Variants in SLU7 observed in about 807,000 individuals in gnomAD.
SLU7 encodes spliceosome associated SLU7.
A neutral mutation model predicts 87.0 loss-of-function variants in SLU7; 60 were observed. The observed-to-expected ratio is 0.69, with a 90% confidence interval of 0.56 to 0.86. SLU7 has a LOEUF of 0.86. Ranked by LOEUF, SLU7 falls within the 40% of genes least tolerant of loss-of-function variation. The pLI is 0.00. For synonymous variants in SLU7, 197 were observed against 222.0 expected, an observed-to-expected ratio of 0.89 and a Z score of 1.00; for missense variants, 507 against 686.6, an observed-to-expected ratio of 0.74 and a Z score of 2.92.
chr5:160,415,411 T>G (rs1015083743), intron 1 of SLU7, 101 bp from the exon 2 acceptor site: 3 of 851,754 alleles, frequency 3.5e-6, no homozygotes, highest in Non-Finnish European at 5.0e-6. Flanking sequence ...TCATATGTTT[T>G]TTTTTCTCCT....
At chr5:160,408,874 T>A (rs113942153) in intron 6 of SLU7, among the ~76,000 whole-genome samples, 177 bp from the exon 7 acceptor site, 5,239 of 131,842 alleles carry the variant, frequency 0.04, 321 homozygotes, top group African/African-American at 0.14. Flanking sequence ...TTATATAATA[T>A]ATAATATGTA....
chr5:160,408,748 A>G, intron 6 of SLU7, 51 bp from the exon 7 acceptor site: 1 of 763,758 alleles, frequency 1.3e-6, no homozygotes, highest in Non-Finnish European at 2.0e-6. Context: ...CACTTAATCC[A>G]ATTAACTTTA....
chr5:160,404,863 A>C lies in SLU7; in HGVS notation c.1410T>G (p.Ile470Met), dbSNP rs967935356. 16 of 1,609,168 alleles carry C rather than the reference A, an allele frequency of 9.9e-6. No homozygotes were observed. Among genetic ancestry groups the C allele is most frequent in the Non-Finnish European group, 1.4e-5 (16 of 1,175,636 alleles). Residue 470 changes from isoleucine to methionine, a missense_variant, in exon 14 of 16, where the codon ATT (isoleucine) becomes ATG (methionine). Ile to Met is a conservative substitution (Grantham distance 10, BLOSUM62 1). Around this residue, in one of 6 missense-constraint regions of SLU7, gnomAD observed 201 missense variants for 213.4 expected, o/e 0.94. Coordinates refer to ENST00000297151, the MANE Select transcript of SLU7 (RefSeq NM_006425.5). ...ATTCTTCCCCAGTTATCTCATTTAT[A>C]ATACACTCCTCAGAGTTCTGTGGGA... ...GKEIVNSEEC[I>M]INEITGEESV...
chr5:160,411,725 G>A (rs1279348436), intron 6 of SLU7, among the ~76,000 whole-genome samples: 1 of 151,842 alleles, frequency 6.6e-6, no homozygotes, highest in Non-Finnish European at 1.5e-5. Flanking sequence ...TTGTTAAAAA[G>A]AAACTTGACA....
At chr5:160,412,364 A>G in intron 6 of SLU7, 87 bp downstream of exon 6, 1 of 811,756 alleles carries the variant, frequency 1.2e-6, no homozygotes, top group Non-Finnish European at 2.1e-6. Flanking sequence ...TCCTAACTGA[A>G]GAGCTATAAA....
chr5:160,405,062 T>C lies in SLU7; in HGVS notation c.1361A>G (p.Tyr454Cys), dbSNP rs1268984756. 2.5e-6 allele frequency: 4 copies of C among 1,613,534 alleles called. No homozygotes were observed. Among genetic ancestry groups the C allele is most frequent in the Non-Finnish European group, 3.4e-6 (4 of 1,179,516 alleles). The change falls in exon 13 of 16, where the codon TAT (tyrosine) becomes TGT (cysteine). Residue 454 changes from tyrosine to cysteine, a missense_variant. Physicochemically the swap from Tyr to Cys is radical, Grantham distance 194. Coordinates refer to ENST00000297151, the MANE Select transcript of SLU7 (RefSeq NM_006425.5). The part of the protein sequence containing the change: ...KCCHSFFKYS[Y>C]CTGEAGKEIV... ...CTCCTTCCCAGCTTCTCCAGTACAA[T>C]AGGAATACTTGAAAAAAGAGTGACA...
At chr5:160,403,908 T>G (rs934442819) in intron 15 of SLU7, among the ~76,000 whole-genome samples, 8 of 152,138 alleles carry the variant, frequency 5.3e-5, no homozygotes, top group African/African-American at 1.9e-4. Flanking sequence ...TGTCCATTAG[T>G]CATAATTACT....
At chr5:160,416,544 A>G (rs1303357686) in intron 1 of SLU7, among the ~76,000 whole-genome samples, 1 of 152,144 alleles carries the variant, frequency 6.6e-6, no homozygotes, top group Non-Finnish European at 1.5e-5. Flanking sequence ...TCTGAAATCT[A>G]ATCTCCTACT....
Position 160,403,234 on chromosome 5 carries a change from T to C in SLU7, c.*51A>G. ...CTATCTACAATCATCAATAAGAAGC[T>C]GAAAAGAATGTATCAGCTGCATCTA... is the stretch of plus-strand genomic sequence containing the variant. On this transcript the variant is annotated 3_prime_UTR_variant, in exon 16 of 16. Transcript: ENST00000297151. 7.4e-7 allele frequency: 1 copy of C among 1,345,738 alleles called. No individual in the cohort carries two copies. The highest frequency in any genetic ancestry group is 1.0e-6 in the Non-Finnish European group (1 of 993,250). The allele number at this position is 1,345,738 out of a possible 1,614,324, so 83.4% of individuals were successfully genotyped here.
intron 1 of SLU7, among the ~76,000 whole-genome samples, chr5:160,416,775 A>G (rs984129553): frequency 1.3e-5 from 2 of 152,118 alleles, no homozygotes; most frequent in Non-Finnish European, 2.9e-5. Flanking sequence ...AATTCTCCAC[A>G]TTGCAGTGTT....
Position 160,404,548 on chromosome 5 carries a change from TTGA to T in SLU7, c.1470_1472del (p.His490del). 6.3e-7 allele frequency: 1 copy of T among 1,590,430 alleles called. No homozygotes were observed. The highest frequency in any genetic ancestry group is 1.7e-5 in the Admixed American group (1 of 59,662). On this transcript the variant is annotated inframe_deletion, in exon 15 of 16. Transcript: ENST00000297151. ...TCTTCTTTTCCTCTTTCAGTTTTTC[TTGA>T]TGCAGCTGAAAGGGAGGATTGAAAT...
rs775117740 is a variant in SLU7 at position 160,406,520 on chromosome 5, C to T, written c.1235G>A (p.Arg412Gln). The change falls in exon 12 of 16, where the codon CGG becomes CAG. Residue 412 changes from arginine (R) to glutamine (Q), a missense_variant. By Grantham distance (43) the Arg-to-Gln change is conservative. Transcript: ENST00000297151. ...CTCATACTTAGAGCAGGCAACAGCC[C>T]GCTCCTGTCCTTTGATGACTGTCCC... The part of the protein sequence containing the change: ...RHGTVIKGQE[R>Q]AVACSKYEED... 1.5e-5 allele frequency: 24 copies of T among 1,613,168 alleles called. No individual in the cohort carries two copies. The highest frequency in any genetic ancestry group is 2.7e-5 in the African/African-American group (2 of 74,812).
intron 1 of SLU7, among the ~76,000 whole-genome samples, chr5:160,416,075 G>A (rs1396251205): frequency 2.0e-5 from 3 of 151,998 alleles, no homozygotes; most frequent in African/African-American, 7.2e-5. Context: ...CGTATTTTTT[G>A]TAGTGACAGG....
chr5:160,413,971 T>G lies in SLU7; in HGVS notation c.333A>C (p.Ile111=), dbSNP rs1765349339. The G allele has an allele frequency of 6.4e-7, 1 of 1,565,560 alleles. No homozygotes were observed. The highest frequency in any genetic ancestry group is 1.4e-5 in the African/African-American group (1 of 72,802). ...WYKRGVKENS[I]ITKYRKGACE... Reference sequence around the variant, plus strand: ...ATGCTCCTTTGCGGTACTTAGTAATTATGGAATTCTATAAATATATATAAA... The same window carrying G: ...ATGCTCCTTTGCGGTACTTAGTAATGATGGAATTCTATAAATATATATAAA... Residue 111 remains isoleucine (I), a synonymous_variant, in exon 4 of 16, where the codon ATA becomes ATC. Coordinates refer to ENST00000297151, the MANE Select transcript of SLU7 (RefSeq NM_006425.5).
At chr5:160,410,870 C>CT (rs67739399) in intron 6 of SLU7, among the ~76,000 whole-genome samples, 97,334 of 145,690 alleles carry the variant, frequency 0.67, 32,975 homozygotes, top group Admixed American at 0.74. Flanking sequence ...GGCAAATTCA[C>CT]TTTTTTTTTT....
At position 160,408,167 on chromosome 5, in the gene SLU7, T is replaced by C. The variant is rs922958061; in HGVS notation, c.820-99A>G. The stretch of plus-strand genomic sequence containing the variant: ...TTGAACATGATCAATTAAATAAATG[T>C]GTGTATACATTTCTGGGGTTCAGGT... On this transcript the variant is annotated intron_variant, in intron 8 of 15. Coordinates refer to ENST00000297151, the MANE Select transcript of SLU7 (RefSeq NM_006425.5). 3 of 1,106,062 alleles carry C rather than the reference T, an allele frequency of 2.7e-6. No homozygotes were observed. The Admixed American group carries it at 6.0e-5, about 22-fold the overall frequency. 68.5% of individuals were successfully genotyped at this position (1,106,062 alleles called of 1,614,324 possible). A position where few individuals can be genotyped will look rare whatever the true frequency, so the allele number is the denominator to read the frequency against.
At position 160,415,275 on chromosome 5, in the gene SLU7, T is replaced by C; in HGVS notation, c.20A>G (p.Asp7Gly). 1 of 1,588,962 alleles carries C rather than the reference T, an allele frequency of 6.3e-7. No homozygotes were observed. Among genetic ancestry groups the C allele is most frequent in the Non-Finnish European group, 8.5e-7 (1 of 1,170,746 alleles). The change falls in exon 2 of 16, where the codon GAT becomes GGT. Residue 7 changes from aspartate to glycine, a missense_variant. Physicochemically the swap from Asp to Gly is moderately conservative, Grantham distance 94 (BLOSUM62 -1). This residue lies in a region of SLU7 where 33 missense variants were observed against 37.3 expected (regional missense o/e 0.88). Transcript: ENST00000297151. MSATVV[D>G]AVNAAPLSGS... Reference sequence around the variant, plus strand: ...CGATAGGGGTGCAGCATTAACTGCATCTACAACTGTGGCTGACATGGTTAT... The same window carrying C: ...CGATAGGGGTGCAGCATTAACTGCACCTACAACTGTGGCTGACATGGTTAT...
chr5:160,405,845 C>A (rs1764987903), intron 12 of SLU7, among the ~76,000 whole-genome samples: 1 of 152,084 alleles, frequency 6.6e-6, no homozygotes, highest in Non-Finnish European at 1.5e-5. Flanking sequence ...GTTAAATGGT[C>A]ACCGTCATGA....
chr5:160,402,683 T>C lies in SLU7; in HGVS notation c.*602A>G, dbSNP rs1764829787. ...ATAAATACAGAGAAAGAGACATTCT[T>C]AATAGGTAGAGAGCCAAGGCTTTTT... On this transcript the variant is annotated 3_prime_UTR_variant, in exon 16 of 16. Coordinates refer to ENST00000297151, the MANE Select transcript of SLU7 (RefSeq NM_006425.5). The C allele has an allele frequency of 6.6e-6, 1 of 152,112 alleles. No homozygotes were observed. The highest frequency in any genetic ancestry group is 6.5e-5 in the Admixed American group (1 of 15,268). The allele number at this position is 152,112 out of a possible 1,614,324, so 9.4% of individuals were successfully genotyped here. A position where few individuals can be genotyped will look rare whatever the true frequency, so the allele number is the denominator to read the frequency against.
Sources: allele counts gnomAD v4.1 joint callset (sites outside exome capture counted in the v4.1 genomes callset), GRCh38; gene constraint gnomAD v4.1.1; regional missense constraint gnomAD v4.1.1; transcripts MANE v1.5; gene names NCBI Gene and HGNC (gene_info 2026-07-23, HGNC 2026-07-21).